Variants in RTN4 observed in about 807,000 individuals in gnomAD.
RTN4 encodes the protein reticulon-4.
RTN4 carries 32 observed loss-of-function variants against 90.4 expected under a neutral mutation model. The ratio of observed to expected loss-of-function variants is 0.35; its 90% confidence interval spans 0.27 to 0.48. The LOEUF (loss-of-function observed/expected upper bound fraction) is 0.48. RTN4 is among the 20% of genes least tolerant of loss of function. The pLI is 0.99. For missense variants in RTN4, 1,706 were observed against 1,430.2 expected, an observed-to-expected ratio of 1.19 and a Z score of -3.11; for synonymous variants, 629 against 552.5, an observed-to-expected ratio of 1.14 and a Z score of -1.94.
At chr2:55,073,529 C>A (rs183013574) in intron 2 of RTN4, among the ~76,000 whole-genome samples, 10 of 152,078 alleles carry the variant, frequency 6.6e-5, no homozygotes, top group Non-Finnish European at 1.5e-5. Flanking sequence ...AAAAACCAAC[C>A]CCAGTATCTT....
upstream of RTN4, among the ~76,000 whole-genome samples, chr2:55,055,781 C>CAA (rs1280648703): frequency 2.3e-5 from 3 of 128,830 alleles, no homozygotes; most frequent in Non-Finnish European, 3.4e-5. Context: ...AAAAAAAAAA[C>CAA]AAAAAAAACA....
chr2:54,997,094 G>C (rs759576431), intron 3 of RTN4, among the ~76,000 whole-genome samples: 1 of 152,136 alleles, frequency 6.6e-6, no homozygotes, highest in Admixed American at 6.5e-5. Context: ...CACACAGAAC[G>C]AGAGAAAACA....
the RTN4 span, among the ~76,000 whole-genome samples, chr2:55,135,907 T>C: frequency 2.6e-5 from 4 of 152,234 alleles, no homozygotes; most frequent in Non-Finnish European, 4.4e-5. Flanking sequence ...TTCCTTCTTA[T>C]TGCTGAGTAG....
intron 3 of RTN4, among the ~76,000 whole-genome samples, chr2:54,989,315 G>A (rs377163873): frequency 2.6e-5 from 4 of 152,132 alleles, no homozygotes; most frequent in Non-Finnish European, 4.4e-5. Flanking sequence ...TTCTATATAT[G>A]ATTTCGAAGT....
rs1558856187 is a variant in RTN4 at position 55,050,163 on chromosome 2, G to GTCCTCGTCC, written c.129_137dup (p.Glu43_Glu45dup). The GTCCTCGTCC allele has an allele frequency of 6.4e-7, 1 of 1,563,198 alleles. No homozygotes were observed. On this transcript the variant is annotated inframe_insertion, in exon 1 of 9. Transcript: ENST00000337526. This position sits in a 1 kb window ranked among gnomAD's most constrained non-coding sequence, Gnocchi z 4.6. ...GCACCTCCAGCTCCTCCAGGTCTTC[G>GTCCTCGTCC]TCCTCGTCCTCCTCTTCCTCCTCCT...
intron 2 of RTN4, among the ~76,000 whole-genome samples, chr2:55,077,471 T>A (rs961678681): frequency 6.6e-6 from 1 of 152,148 alleles, no homozygotes; most frequent in African/African-American, 2.4e-5. Context: ...AAATAATAGA[T>A]GTTAGTGTGG....
At chr2:55,064,969 C>T (rs921999128) in intron 2 of RTN4, among the ~76,000 whole-genome samples, 17 of 152,134 alleles carry the variant, frequency 1.1e-4, no homozygotes, top group African/African-American at 3.9e-4. Flanking sequence ...TTTTCCATTT[C>T]GAATGCATGT....
Position 55,050,089 on chromosome 2 carries a change from G to C in RTN4, c.212C>G (p.Ala71Gly). 2 of 1,473,530 alleles carry C rather than the reference G, an allele frequency of 1.4e-6. No homozygotes were observed. The highest frequency in any genetic ancestry group is 2.6e-5 in the South Asian group (2 of 76,450). 91.3% of individuals were successfully genotyped at this position (1,473,530 alleles called of 1,614,324 possible). A position where few individuals can be genotyped will look rare whatever the true frequency, so the allele number is the denominator to read the frequency against. ...AGLSAAPVPT[A>G]PAAGAPLMDF... ...CATCAGGGGCGCGCCGGCGGCAGGG[G>C]CGGTGGGCACTGGGGCCGCGGACAG... Residue 71 changes from alanine (A) to glycine (G), a missense_variant, in exon 1 of 9, where the codon GCC becomes GGC. Coordinates refer to ENST00000337526, the MANE Select transcript of RTN4 (RefSeq NM_020532.5). This position sits in a 1 kb window ranked among gnomAD's most constrained non-coding sequence, Gnocchi z 4.6.
At chr2:55,044,299 G>A (rs1683269674) in intron 1 of RTN4, among the ~76,000 whole-genome samples, 2 of 152,110 alleles carry the variant, frequency 1.3e-5, no homozygotes, top group Admixed American at 1.3e-4. Context: ...GCTGAAGTGG[G>A]AGGACTGCTT....
At chr2:55,067,954 A>G (rs1159709331) in intron 2 of RTN4, among the ~76,000 whole-genome samples, 1 of 152,234 alleles carries the variant, frequency 6.6e-6, no homozygotes, top group East Asian at 1.9e-4. Context: ...GAAAAGAAGT[A>G]TTATTTTACA....
At chr2:55,004,234 G>A (rs991064018) in intron 3 of RTN4, among the ~76,000 whole-genome samples, 2 of 152,070 alleles carry the variant, frequency 1.3e-5, no homozygotes, top group Admixed American at 1.3e-4. Context: ...AGAAGTATAC[G>A]ACATTCAATA....
intron 2 of RTN4, among the ~76,000 whole-genome samples, chr2:55,070,788 GT>G (rs1318523261): frequency 1.4e-5 from 2 of 145,650 alleles, no homozygotes; most frequent in Non-Finnish European, 1.5e-5. Flanking sequence ...TTTGTTTTTC[GT>G]TTTTTTTGAC....
chr2:54,988,411 A>G (rs1018261834), intron 3 of RTN4, among the ~76,000 whole-genome samples: 5 of 152,260 alleles, frequency 3.3e-5, no homozygotes, highest in African/African-American at 1.2e-4. Flanking sequence ...AAAAATATTA[A>G]CACACTAAAA....
At chr2:54,999,829 C>T (rs1199694960) in intron 3 of RTN4, among the ~76,000 whole-genome samples, 1 of 152,130 alleles carries the variant, frequency 6.6e-6, no homozygotes, top group Non-Finnish European at 1.5e-5. Flanking sequence ...AGTAAGCATT[C>T]ACCTGTCAAA....
chr2:55,101,021 T>C (rs1053595967), intron 1 of RTN4, among the ~76,000 whole-genome samples: 6 of 152,102 alleles, frequency 3.9e-5, no homozygotes, highest in Admixed American at 6.5e-5. Context: ...ATTTATGTAA[T>C]AGAAACTATT....
intron 1 of RTN4, among the ~76,000 whole-genome samples, chr2:55,105,564 G>A (rs1288032212): frequency 6.6e-6 from 1 of 152,096 alleles, no homozygotes; most frequent in African/African-American, 2.4e-5. Context: ...CGCAAGCTCT[G>A]TATATTGTTA....
the RTN4 span, among the ~76,000 whole-genome samples, chr2:55,132,799 G>C: frequency 8.0e-6 from 1 of 125,126 alleles, no homozygotes; most frequent in Non-Finnish European, 1.6e-5. Flanking sequence ...GGGCCACAGA[G>C]TGAGACCGTC....
intron 5 of RTN4, among the ~76,000 whole-genome samples, chr2:54,978,517 G>C (rs1677854114): frequency 6.7e-6 from 1 of 150,118 alleles, no homozygotes; most frequent in South Asian, 2.1e-4. Context: ...GCACACAACA[G>C]ATTTTGCATT....
At chr2:54,986,784 A>G (rs368401335) in intron 4 of RTN4, among the ~76,000 whole-genome samples, 1 of 152,250 alleles carries the variant, frequency 6.6e-6, no homozygotes, top group Admixed American at 6.5e-5. Context: ...TGCGATGAAA[A>G]TAGTGATGGT....
Sources: allele counts gnomAD v4.1 joint callset (sites outside exome capture counted in the v4.1 genomes callset), GRCh38; gene constraint gnomAD v4.1.1; non-coding constraint Gnocchi (gnomAD v3.1); transcripts MANE v1.5; gene names NCBI Gene and HGNC (gene_info 2026-07-23, HGNC 2026-07-21).